Variants in CCSER1 observed in about 807,000 individuals in gnomAD.
The protein encoded by CCSER1 is coiled-coil serine rich protein 1, also known as serine-rich coiled-coil domain-containing protein 1.
In CCSER1, 41 loss-of-function variants were observed where a neutral mutation model predicts 82.0. That is an observed-to-expected ratio of 0.50 (90% confidence interval 0.39 to 0.65). The LOEUF is 0.65. CCSER1 is among the 30% of genes least tolerant of loss of function. CCSER1 has a pLI of 0.00. For synonymous variants in CCSER1, 414 were observed against 383.9 expected (o/e 1.08, Z -0.92); for missense variants, 1,119 against 1,064.2 (o/e 1.05, Z -0.72).
At chr4:90,286,893 T>C (rs1474634741) in intron 1 of CCSER1, among the ~76,000 whole-genome samples, 1 of 151,926 alleles carries the variant, frequency 6.6e-6, no homozygotes, top group Non-Finnish European at 1.5e-5. Flanking sequence ...TACAAAGAGG[T>C]GTTCTTTCTC....
chr4:90,407,444 A>T (rs1753893784), intron 4 of CCSER1, among the ~76,000 whole-genome samples: 1 of 152,174 alleles, frequency 6.6e-6, no homozygotes, highest in Non-Finnish European at 1.5e-5. Flanking sequence ...ATTGGTCCCA[A>T]TCCTGTTGAC....
At chr4:91,542,007 T>A (rs1269393433) in intron 10 of CCSER1, among the ~76,000 whole-genome samples, 1 of 152,244 alleles carries the variant, frequency 6.6e-6, no homozygotes, top group East Asian at 1.9e-4. Context: ...CATGTGTCTG[T>A]TGGCTGCATA....
intron 9 of CCSER1, among the ~76,000 whole-genome samples, chr4:90,964,454 T>C (rs560157564): frequency 5.3e-5 from 8 of 151,786 alleles, no homozygotes; most frequent in African/African-American, 4.8e-5. Flanking sequence ...AGGCCAGGCG[T>C]GGTGGCTCAC....
intron 3 of CCSER1, among the ~76,000 whole-genome samples, chr4:90,398,987 C>A (rs1472987853): frequency 6.6e-6 from 1 of 152,102 alleles, no homozygotes; most frequent in African/African-American, 2.4e-5. Context: ...ACTACTTTAA[C>A]TACAAATTAT....
intron 3 of CCSER1, among the ~76,000 whole-genome samples, chr4:90,393,514 C>T (rs1390691282): frequency 6.6e-6 from 1 of 152,054 alleles, no homozygotes; most frequent in Non-Finnish European, 1.5e-5. Flanking sequence ...ACAATGATTA[C>T]AGCAGTTATA....
At chr4:90,746,714 A>C (rs1485109334) in intron 7 of CCSER1, among the ~76,000 whole-genome samples, 1 of 152,194 alleles carries the variant, frequency 6.6e-6, no homozygotes, top group South Asian at 2.1e-4. Context: ...TTGGGTTTAT[A>C]AATATTATCT....
intron 1 of CCSER1, among the ~76,000 whole-genome samples, chr4:90,240,794 A>G (rs560546535): frequency 6.6e-6 from 1 of 152,288 alleles, no homozygotes; most frequent in African/African-American, 2.4e-5. Flanking sequence ...GGACTTGTCC[A>G]TCTGGATTAG....
chr4:90,586,051 A>G (rs1205436471), intron 5 of CCSER1, among the ~76,000 whole-genome samples: 18 of 152,292 alleles, frequency 1.2e-4, no homozygotes, highest in Admixed American at 6.5e-5. Flanking sequence ...GGGGTCCCCA[A>G]TCCCTGATAT....
chr4:91,351,887 G>A (rs1748495788), intron 10 of CCSER1, among the ~76,000 whole-genome samples: 1 of 151,780 alleles, frequency 6.6e-6, no homozygotes, highest in Admixed American at 6.6e-5. Flanking sequence ...TTCCTCTTTG[G>A]TGAACCCTCC....
In CCSER1 at chr4:90,312,850, T is replaced by G; in HGVS notation, c.1325-13T>G. On this transcript the variant is annotated splice_polypyrimidine_tract_variant and intron_variant, in intron 2 of 10. Transcript: ENST00000509176. ...ATATTTACCTTCATTTTTATTTATT[T>G]TCCTTTCCATAGTTCTTGCCAGTAG... 6.6e-7 allele frequency: 1 copy of G among 1,510,046 alleles called. No homozygotes were observed. Among genetic ancestry groups the G allele is most frequent in the Non-Finnish European group, 8.9e-7 (1 of 1,118,828 alleles). The allele number at this position is 1,510,046 out of a possible 1,614,324, so 93.5% of individuals were successfully genotyped here. A position where few individuals can be genotyped will look rare whatever the true frequency, so the allele number is the denominator to read the frequency against.
intron 5 of CCSER1, among the ~76,000 whole-genome samples, chr4:90,544,670 C>T (rs1776532796): frequency 6.6e-6 from 1 of 151,996 alleles, no homozygotes; most frequent in South Asian, 2.1e-4. Flanking sequence ...CTGAAGAACT[C>T]CACCCCAAAT....
At chr4:91,184,746 T>C (rs1400352811) in intron 10 of CCSER1, among the ~76,000 whole-genome samples, 1 of 152,212 alleles carries the variant, frequency 6.6e-6, no homozygotes, top group Non-Finnish European at 1.5e-5. Context: ...ACTTTGTTTT[T>C]CCCCTTGACT....
intron 4 of CCSER1, among the ~76,000 whole-genome samples, chr4:90,407,427 A>G (rs1753891402): frequency 6.6e-6 from 1 of 152,228 alleles, no homozygotes; most frequent in Non-Finnish European, 1.5e-5. Context: ...CAGACATTCA[A>G]AGAAGAATTG....
intron 10 of CCSER1, among the ~76,000 whole-genome samples, chr4:91,148,838 T>C (rs530262732): frequency 7.2e-5 from 11 of 152,344 alleles, no homozygotes; most frequent in Admixed American, 3.9e-4. Context: ...GGCTGCATAG[T>C]ATTCCATGGT....
intron 10 of CCSER1, among the ~76,000 whole-genome samples, chr4:91,514,880 G>C (rs147732145): frequency 1.3e-5 from 2 of 152,160 alleles, no homozygotes; most frequent in African/African-American, 2.4e-5. Flanking sequence ...AAGCAGAGGA[G>C]AAATATCCTT....
intron 9 of CCSER1, among the ~76,000 whole-genome samples, chr4:90,955,871 C>G (rs1043088092): frequency 1.3e-5 from 2 of 152,116 alleles, no homozygotes; most frequent in Non-Finnish European, 2.9e-5. Context: ...CTTCGAAAGA[C>G]TATTCCTTAC....
At position 91,091,983 on chromosome 4, in the gene CCSER1, A is replaced by T. The variant is rs116063387; in HGVS notation, c.2217+5989A>T. On this transcript the variant is annotated intron_variant, in intron 10 of 10. Transcript: ENST00000509176. ...ATCCAACTCTTGGGGAGTACCTGGA[A>T]GTCCTCGCGGTATAGGAGGAGGCCT... Among the ~76,000 whole-genome samples, 1,062 of 152,306 alleles carry T rather than the reference A, an allele frequency of 7.0e-3. 8 individuals carry two copies. The highest frequency in any genetic ancestry group is 0.024 in the African/African-American group (996 of 41,560).
intron 6 of CCSER1, among the ~76,000 whole-genome samples, chr4:90,651,913 C>G (rs1187620095): frequency 6.6e-6 from 1 of 152,080 alleles, no homozygotes; most frequent in African/African-American, 2.4e-5. Flanking sequence ...CATATAGTGT[C>G]CATTAAACTT....
At chr4:91,157,212 C>T (rs755331317) in intron 10 of CCSER1, among the ~76,000 whole-genome samples, 1 of 151,978 alleles carries the variant, frequency 6.6e-6, no homozygotes, top group Non-Finnish European at 1.5e-5. Context: ...GCAGCCAAAA[C>T]TTATGTTGTT....
Sources: gnomAD v4.1 joint callset for allele counts (sites outside exome capture counted in the v4.1 genomes callset) on GRCh38, gnomAD v4.1.1 for gene constraint, MANE v1.5 for transcripts, NCBI Gene and HGNC (gene_info 2026-07-23, HGNC 2026-07-21) for gene names.